The following CCDC91 variants were observed in gnomAD, a reference collection of about 807,000 sequenced individuals.
The protein encoded by CCDC91 is coiled-coil domain containing 91, also known as coiled-coil domain-containing protein 91.
Under a neutral mutation model 63.2 loss-of-function variants are expected in CCDC91, and 48 were observed. The observed-to-expected ratio is 0.76, with a 90% CI of 0.60 to 0.97. The LOEUF is 0.97. Among genes scored for constraint, CCDC91 ranks in the 50% least tolerant of loss-of-function variants. CCDC91 has a pLI of 0.00. For synonymous variants in CCDC91, 167 were observed against 165.8 expected (o/e 1.01, Z -0.06); for missense variants, 500 against 494.6 (o/e 1.01, Z -0.10).
chr12:28,385,080 CA>C (rs1945518479), intron 7 of CCDC91, among the ~76,000 whole-genome samples: 2 of 152,136 alleles, frequency 1.3e-5, no homozygotes, highest in African/African-American at 4.8e-5. Context: ...AGATACCTTT[CA>C]GTTTTGCTCA....
chr12:28,467,098 C>G (rs1950583898), intron 11 of CCDC91, among the ~76,000 whole-genome samples: 1 of 151,900 alleles, frequency 6.6e-6, no homozygotes, highest in African/African-American at 2.4e-5. Flanking sequence ...CAAAGAAAGG[C>G]CAGAGTATGC....
chr12:28,409,361 A>G (rs1947170957), intron 8 of CCDC91, among the ~76,000 whole-genome samples: 1 of 152,104 alleles, frequency 6.6e-6, no homozygotes, highest in African/African-American at 2.4e-5. Context: ...TGTTTTTCAT[A>G]TATTCCCTTA....
chr12:28,450,044 T>A, intron 8 of CCDC91, 117 bp from the exon 9 acceptor site: 1 of 585,838 alleles, frequency 1.7e-6, no homozygotes, highest in Non-Finnish European at 3.0e-6. Context: ...GAAATTCTCA[T>A]TTTTTCCTTT....
chr12:28,369,198 TA>T (rs1192826709), intron 7 of CCDC91, among the ~76,000 whole-genome samples: 1 of 152,132 alleles, frequency 6.6e-6, no homozygotes, highest in African/African-American at 2.4e-5. Context: ...TATGAGCCTG[TA>T]AAATCAAAAA....
chr12:28,250,079 C>A (rs1946019273), intron 1 of CCDC91, among the ~76,000 whole-genome samples: 1 of 152,072 alleles, frequency 6.6e-6, no homozygotes, highest in African/African-American at 2.4e-5. Flanking sequence ...AGAGGGCTAT[C>A]AGCCTGGGAA....
rs1327915040 is a variant in CCDC91 at position 28,257,160 on chromosome 12, CTG to C, written c.-14-33_-14-32del. 4.3e-5 allele frequency: 50 copies of C among 1,165,966 alleles called. No individual in the cohort carries two copies. The South Asian group carries it at 5.0e-4, about 12-fold the overall frequency. 72.2% of individuals were successfully genotyped at this position (1,165,966 alleles called of 1,614,324 possible). A position where few individuals can be genotyped will look rare whatever the true frequency, so the allele number is the denominator to read the frequency against. On this transcript the variant is annotated intron_variant, in intron 1 of 12. Transcript: ENST00000536442. ...TTGGAGAGTATTTTGACATAAATGA[CTG>C]TGTGTGTGCGGGCTTGTTTCAATAT...
At chr12:28,267,898 A>AT (rs1947420655) in intron 3 of CCDC91, among the ~76,000 whole-genome samples, 1 of 79,626 alleles carries the variant, frequency 1.3e-5, no homozygotes, top group Admixed American at 2.1e-4. Flanking sequence ...ATAATTATAT[A>AT]TAATTATATT....
At chr12:28,205,858 A>G (rs1011717233) in intron 1 of CCDC91, among the ~76,000 whole-genome samples, 16 of 152,186 alleles carry the variant, frequency 1.1e-4, no homozygotes, top group African/African-American at 3.9e-4. Context: ...TTCTCAGGCC[A>G]TATTTGGTTT....
At chr12:28,254,922 C>T (rs1356649737) in intron 1 of CCDC91, among the ~76,000 whole-genome samples, 1 of 151,964 alleles carries the variant, frequency 6.6e-6, no homozygotes, top group African/African-American at 2.4e-5. Context: ...CAGTCGTGTG[C>T]CACCACACCT....
chr12:28,428,475 A>C (rs1224024295), intron 8 of CCDC91, among the ~76,000 whole-genome samples: 1 of 148,572 alleles, frequency 6.7e-6, no homozygotes, highest in East Asian at 2.1e-4. Flanking sequence ...AGGCTGAGGC[A>C]GGAGAATCGC....
At chr12:28,250,744 G>A (rs531362279) in intron 1 of CCDC91, among the ~76,000 whole-genome samples, 1 of 152,016 alleles carries the variant, frequency 6.6e-6, no homozygotes, top group Non-Finnish European at 1.5e-5. Flanking sequence ...CCCTTACTAT[G>A]TGCTAGGAAC....
intron 6 of CCDC91, among the ~76,000 whole-genome samples, chr12:28,328,316 AC>A (rs1193063763): frequency 6.6e-6 from 1 of 152,100 alleles, no homozygotes; most frequent in Non-Finnish European, 1.5e-5. Context: ...ATTTTTCTGC[AC>A]AAAAGTTTTG....
chr12:28,437,960 A>G (rs1162233549), intron 8 of CCDC91, among the ~76,000 whole-genome samples: 1 of 152,144 alleles, frequency 6.6e-6, no homozygotes, highest in Non-Finnish European at 1.5e-5. Flanking sequence ...AGTGGAGTTT[A>G]TAAAATAGAC....
chr12:28,311,231 T>A (rs1197764008), intron 6 of CCDC91, among the ~76,000 whole-genome samples: 2 of 152,014 alleles, frequency 1.3e-5, no homozygotes, highest in African/African-American at 2.4e-5. Flanking sequence ...GATACATCCC[T>A]GGCTGGGAGC....
intron 8 of CCDC91, among the ~76,000 whole-genome samples, chr12:28,407,661 G>T (rs1402143533): frequency 6.6e-6 from 1 of 152,104 alleles, no homozygotes; most frequent in Non-Finnish European, 1.5e-5. Context: ...GATTTTGGTT[G>T]AGTTGAATAA....
chr12:28,540,906 G>T (rs562950606), intron 12 of CCDC91, among the ~76,000 whole-genome samples: 3 of 152,088 alleles, frequency 2.0e-5, no homozygotes, highest in Non-Finnish European at 4.4e-5. Flanking sequence ...ACATGGGCTA[G>T]ATTGGAGCTG....
chr12:28,352,336 TCATGAAAGAGTCCTCTGTAA>T (rs1943236770), intron 6 of CCDC91, among the ~76,000 whole-genome samples: 1 of 152,332 alleles, frequency 6.6e-6, no homozygotes, highest in African/African-American at 2.4e-5. Context: ...ACTCTTGCTT[TCATGAAAGAGTCCTCTGTAA>T]CATGCAGTGC....
At chr12:28,246,656 A>G (rs541278306) in intron 1 of CCDC91, among the ~76,000 whole-genome samples, 1 of 152,172 alleles carries the variant, frequency 6.6e-6, no homozygotes, top group Non-Finnish European at 1.5e-5. Context: ...GTTATACAGT[A>G]TAATGAAAGG....
Position 28,308,879 on chromosome 12 carries a change from A to G in CCDC91, c.576+1130A>G, listed in dbSNP as rs77802268. Among the ~76,000 whole-genome samples the G allele has an allele frequency of 1.1e-3, 162 of 151,986 alleles. 3 individuals are homozygous for G. The East Asian group carries it at 0.023, about 22-fold the overall frequency. On this transcript the variant is annotated intron_variant, in intron 6 of 12. Coordinates refer to ENST00000536442, the MANE Select transcript of CCDC91 (RefSeq NM_018318.5). ...GCTTCCATCCTTGTTCTTTTCCTTC[A>G]TGAGTTTTTAATTCAGCAGGTAAGA...
Sources: allele counts gnomAD v4.1 joint callset (sites outside exome capture counted in the v4.1 genomes callset), GRCh38; gene constraint gnomAD v4.1.1; transcripts MANE v1.5; gene names NCBI Gene and HGNC (gene_info 2026-07-23, HGNC 2026-07-21).